Variants in SHB observed in about 807,000 individuals in gnomAD.
The protein encoded by SHB is SH2 domain containing adaptor protein B, also known as SH2 domain-containing adapter protein B.
A neutral mutation model predicts 52.3 loss-of-function variants in SHB; 20 were observed. The ratio of observed to expected loss-of-function variants is 0.38; its 90% CI spans 0.27 to 0.56. The LOEUF (loss-of-function observed/expected upper bound fraction) is 0.56, where lower values mean the gene tolerates loss of function less well. Among genes scored for constraint, SHB ranks in the 20% least tolerant of loss-of-function variants. SHB has a pLI of 0.71. For missense variants in SHB, 825 were observed against 723.3 expected, an observed-to-expected ratio of 1.14 and a Z score of -1.61; for synonymous variants, 397 against 316.5, an observed-to-expected ratio of 1.25 and a Z score of -2.70.
At chr9:38,012,495 G>A (rs4878735) in intron 2 of SHB, among the ~76,000 whole-genome samples, 64,617 of 142,850 alleles carry the variant, frequency 0.45, 14,203 homozygotes, top group Middle Eastern at 0.52. Flanking sequence ...CTGCCTCCCC[G>A]TTGTTGTTAT....
At chr9:38,066,501 C>A (rs946868046) in intron 1 of SHB, among the ~76,000 whole-genome samples, 3 of 152,154 alleles carry the variant, frequency 2.0e-5, no homozygotes, top group Admixed American at 6.5e-5. Context: ...GGAAATCTGC[C>A]CCCTCTCCCA....
chr9:38,036,026 G>A (rs1821481822), intron 1 of SHB, among the ~76,000 whole-genome samples: 1 of 152,118 alleles, frequency 6.6e-6, no homozygotes, highest in South Asian at 2.1e-4. Context: ...CCCAGCGAGG[G>A]GAAGTGACTC....
At chr9:37,969,696 C>A (rs1017951500) in intron 3 of SHB, among the ~76,000 whole-genome samples, 1 of 152,220 alleles carries the variant, frequency 6.6e-6, no homozygotes, top group Non-Finnish European at 1.5e-5. Context: ...CCCCTCCCTA[C>A]GTGGCCACTT....
chr9:37,975,345 C>A (rs1275975353), intron 2 of SHB, among the ~76,000 whole-genome samples: 1 of 152,214 alleles, frequency 6.6e-6, no homozygotes, highest in African/African-American at 2.4e-5. Flanking sequence ...CCCAAGGAGA[C>A]CAGAGGCCAC....
At chr9:37,922,457 C>A (rs1028388308) in intron 5 of SHB, among the ~76,000 whole-genome samples, 3 of 152,196 alleles carry the variant, frequency 2.0e-5, no homozygotes, top group Non-Finnish European at 4.4e-5. Flanking sequence ...CGACAGATAG[C>A]GAGGTGGGGC....
intron 1 of SHB, among the ~76,000 whole-genome samples, chr9:38,024,540 C>T (rs566814875): frequency 1.4e-3 from 206 of 152,288 alleles, no homozygotes; most frequent in Non-Finnish European, 2.1e-3. Context: ...TCTCTCTCTC[C>T]GTCACACACA....
intron 2 of SHB, among the ~76,000 whole-genome samples, chr9:37,991,332 C>A (rs771796853): frequency 6.6e-6 from 1 of 152,202 alleles, no homozygotes; most frequent in Non-Finnish European, 1.5e-5. Flanking sequence ...CAGGGCTCCA[C>A]GCTTTCAGGG....
intron 3 of SHB, among the ~76,000 whole-genome samples, chr9:37,956,302 A>G (rs1426203769): frequency 1.3e-5 from 2 of 151,700 alleles, no homozygotes; most frequent in Non-Finnish European, 2.9e-5. Flanking sequence ...GCTCAGCCTT[A>G]CCCCCACAGA....
intron 5 of SHB, among the ~76,000 whole-genome samples, chr9:37,932,907 A>AT (rs940892160): frequency 6.6e-6 from 1 of 152,250 alleles, no homozygotes; most frequent in African/African-American, 2.4e-5. Flanking sequence ...GAGGTACTGC[A>AT]TCTAGCTCTT....
At chr9:37,983,270 G>C in intron 2 of SHB, among the ~76,000 whole-genome samples, 1 of 152,222 alleles carries the variant, frequency 6.6e-6, no homozygotes, top group Non-Finnish European at 1.5e-5. Context: ...GTGATGTGGC[G>C]GCGAAAATGG....
chr9:38,043,418 T>C, intron 1 of SHB, among the ~76,000 whole-genome samples: 1 of 152,212 alleles, frequency 6.6e-6, no homozygotes, highest in East Asian at 1.9e-4. Context: ...ACTGTGCATT[T>C]CCCTGTCTGA....
chr9:38,062,535 A>G (rs1276671652), intron 1 of SHB, among the ~76,000 whole-genome samples: 1 of 152,186 alleles, frequency 6.6e-6, no homozygotes, highest in Non-Finnish European at 1.5e-5. Context: ...TGCTGCCGTC[A>G]TATGAACATG....
chr9:37,932,164 C>T (rs1470121929), intron 5 of SHB, among the ~76,000 whole-genome samples: 2 of 151,236 alleles, frequency 1.3e-5, no homozygotes, highest in African/African-American at 2.4e-5. Context: ...TGCCTGTAAT[C>T]CCAGATACTC....
At chr9:37,943,521 C>T (rs2117876060) in intron 5 of SHB, among the ~76,000 whole-genome samples, 1 of 152,296 alleles carries the variant, frequency 6.6e-6, no homozygotes, top group Non-Finnish European at 1.5e-5. Context: ...TGCAAGATGC[C>T]AGGCAATTTG....
intron 1 of SHB, among the ~76,000 whole-genome samples, chr9:38,038,428 T>G (rs1317148547): frequency 6.6e-6 from 1 of 152,130 alleles, no homozygotes; most frequent in Admixed American, 6.5e-5. Context: ...CCATGATTAC[T>G]AAGAAGCCCC....
In SHB at chr9:37,919,574, C is replaced by T; in HGVS notation, c.*247G>A. ...CTTTGGATTTGCAAATATTTTAATT[C>T]ACAGAAACTCAAGGAGAGGGTGGGG... On this transcript the variant is annotated 3_prime_UTR_variant, in exon 6 of 6. Transcript: ENST00000377707. 2.4e-5 allele frequency: 5 copies of T among 209,624 alleles called. No individual in the cohort carries two copies. The highest frequency in any genetic ancestry group is 9.6e-5 in the South Asian group (1 of 10,376). The allele number at this position is 209,624 out of a possible 1,614,324, so 13.0% of individuals were successfully genotyped here. A position where few individuals can be genotyped will look rare whatever the true frequency, so the allele number is the denominator to read the frequency against.
chr9:38,011,164 G>C (rs1032567496), intron 2 of SHB, among the ~76,000 whole-genome samples: 1 of 152,112 alleles, frequency 6.6e-6, no homozygotes, highest in African/African-American at 2.4e-5. Flanking sequence ...CTTAAGCCTG[G>C]GATCAAGACC....
At chr9:37,970,272 C>T (rs886806579) in intron 3 of SHB, among the ~76,000 whole-genome samples, 1 of 152,262 alleles carries the variant, frequency 6.6e-6, no homozygotes, top group African/African-American at 2.4e-5. Context: ...TTCTCACCAA[C>T]AACTCTCTGA....
intron 4 of SHB, among the ~76,000 whole-genome samples, chr9:37,955,409 G>A (rs945063202): frequency 4.6e-5 from 7 of 152,148 alleles, no homozygotes; most frequent in Admixed American, 4.6e-4. Flanking sequence ...ACCTGCCCAT[G>A]TATACACAGA....
Sources: allele counts gnomAD v4.1 joint callset (sites outside exome capture counted in the v4.1 genomes callset), GRCh38; gene constraint gnomAD v4.1.1; transcripts MANE v1.5; gene names NCBI Gene and HGNC (gene_info 2026-07-23, HGNC 2026-07-21).